PUDP: variants seen among roughly 807,000 people sequenced by gnomAD.
PUDP encodes the protein pseudouridine 5'-phosphatase.
In PUDP, 8 loss-of-function variants were observed where a neutral mutation model predicts 9.4. That is an observed-to-expected ratio of 0.85 (90% CI 0.50 to 1.53). The LOEUF is 1.53. PUDP is among the 40% of genes most tolerant of loss of function. The probability of loss-of-function intolerance (pLI) is 0.00; values close to 1 mark genes in which losing one functional copy is unlikely to be tolerated. For missense variants in PUDP, 188 were observed against 189.7 expected (o/e 0.99, Z 0.05); for synonymous variants, 99 against 80.7 (o/e 1.23, Z -1.22).
intron 1 of PUDP, among the ~76,000 whole-genome samples, chrX:7,115,816 C>T (rs1214405615): frequency 2.7e-5 from 3 of 112,683 alleles, no homozygotes; most frequent in African/African-American, 9.7e-5. Context: ...CGTCCACGCA[C>T]GTGGCTGCAA....
chrX:7,107,659 T>C (rs1393062670), intron 1 of PUDP, among the ~76,000 whole-genome samples: 1 of 112,049 alleles, frequency 8.9e-6, no homozygotes, highest in Non-Finnish European at 1.9e-5. Context: ...AAACCCCGTC[T>C]GTATTAAAAA....
At chrX:7,004,647 G>A (rs892906158) in intron 1 of PUDP, among the ~76,000 whole-genome samples, 9 of 112,025 alleles carry the variant, frequency 8.0e-5, no homozygotes, top group Non-Finnish European at 1.7e-4. Context: ...TCTCCATTAA[G>A]CAGAAACCTA....
chrX:6,996,189 C>A lies in PUDP; in HGVS notation c.205-17846G>T, dbSNP rs147720562. 5.0e-3 allele frequency among the ~76,000 whole-genome samples: 566 copies of A among 112,209 alleles called. 5 individuals are homozygous for A. Among genetic ancestry groups the A allele is most frequent in the African/African-American group, 0.017 (529 of 30,909 alleles). On this transcript the variant is annotated intron_variant and NMD_transcript_variant, in intron 1 of 3. Transcript: ENST00000655425. Reference sequence around the variant, plus strand: ...TCCTCTGCCCTGGGGCACTTCACAGCTCCCCTTTTGCACACATTTGTGTTT... The same window carrying A: ...TCCTCTGCCCTGGGGCACTTCACAGATCCCCTTTTGCACACATTTGTGTTT...
chrX:6,919,586 G>A (rs909393693), intron 3 of PUDP, among the ~76,000 whole-genome samples: 16 of 110,221 alleles, frequency 1.5e-4, no homozygotes, highest in Non-Finnish European at 3.0e-4. Flanking sequence ...CCATAAAAAA[G>A]CACAAAGACC....
chrX:7,058,093 C>T (rs750607916), intron 3 of PUDP, among the ~76,000 whole-genome samples: 31 of 111,400 alleles, frequency 2.8e-4, no homozygotes, highest in Non-Finnish European at 5.1e-4. Flanking sequence ...GGGAAGGAGC[C>T]AGCCCCTTTC....
At chrX:6,896,023 T>C (rs142204900) in intron 3 of PUDP, among the ~76,000 whole-genome samples, 5,477 of 111,226 alleles carry the variant, frequency 0.049, 145 homozygotes, top group East Asian at 0.15. Flanking sequence ...TACCAAAACA[T>C]TGTGGGTGAG....
intron 3 of PUDP, among the ~76,000 whole-genome samples, chrX:6,820,403 A>G (rs1010559985): frequency 1.2e-4 from 13 of 110,995 alleles, no homozygotes; most frequent in Admixed American, 7.7e-4. Flanking sequence ...CAGTTCCCCA[A>G]AAGTCTTAAT....
intron 3 of PUDP, among the ~76,000 whole-genome samples, chrX:6,789,856 A>T (rs1297731660): frequency 6.1e-5 from 2 of 32,690 alleles, no homozygotes; most frequent in Non-Finnish European, 5.2e-5. Flanking sequence ...TTATAGAGAA[A>T]AAAGACGATT....
At chrX:7,079,399 T>C (rs1208106237) in intron 2 of PUDP, among the ~76,000 whole-genome samples, 1 of 112,360 alleles carries the variant, frequency 8.9e-6, no homozygotes, top group African/African-American at 3.2e-5. Context: ...TATCAGTAAT[T>C]GATAAAACAA....
chrX:6,988,915 A>G (rs1050327529), intron 1 of PUDP, among the ~76,000 whole-genome samples: 7 of 111,337 alleles, frequency 6.3e-5, no homozygotes, highest in Non-Finnish European at 1.1e-4. Flanking sequence ...TTCACCACTC[A>G]GTCAGTGCTG....
chrX:7,078,544 C>T (rs4449965), intron 2 of PUDP, among the ~76,000 whole-genome samples: 24,755 of 111,331 alleles, frequency 0.22, 2,283 homozygotes, highest in Admixed American at 0.4. Context: ...TCGCCTGCCT[C>T]AGCCTCTCAA....
intron 3 of PUDP, among the ~76,000 whole-genome samples, chrX:6,888,589 G>A (rs1927465281): frequency 9.0e-6 from 1 of 111,203 alleles, no homozygotes; most frequent in African/African-American, 3.3e-5. Context: ...GGTGGAGGTT[G>A]CAGTGAGCCG....
intron 3 of PUDP, among the ~76,000 whole-genome samples, chrX:6,777,045 C>T (rs1297209808): frequency 1.8e-5 from 2 of 112,289 alleles, no homozygotes; most frequent in African/African-American, 3.2e-5. Context: ...TACTTTCATT[C>T]ATCACAAACA....
At chrX:6,795,498 C>T (rs913015382) in intron 3 of PUDP, among the ~76,000 whole-genome samples, 2 of 111,528 alleles carry the variant, frequency 1.8e-5, no homozygotes, top group African/African-American at 6.5e-5. Context: ...CTGGATGATG[C>T]CTGCCTACAG....
intron 1 of PUDP, among the ~76,000 whole-genome samples, chrX:7,027,972 TAA>T (rs1454834409): frequency 9.7e-6 from 1 of 103,202 alleles, no homozygotes; most frequent in African/African-American, 3.4e-5. Flanking sequence ...ATATTTTATA[TAA>T]AGTTTATATA....
intron 3 of PUDP, among the ~76,000 whole-genome samples, chrX:7,063,789 G>T (rs1023293554): frequency 9.0e-6 from 1 of 111,139 alleles, no homozygotes; most frequent in Non-Finnish European, 1.9e-5. Context: ...GGACTACCGG[G>T]AAGCACCACC....
chrX:7,126,290 G>T (rs1207685832), intron 1 of PUDP, among the ~76,000 whole-genome samples: 1 of 111,088 alleles, frequency 9.0e-6, no homozygotes, highest in Non-Finnish European at 1.9e-5. Flanking sequence ...TGAGAATGGA[G>T]AAACTTCTCT....
chrX:6,717,481 C>A (rs1178415595), intron 1 of PUDP, among the ~76,000 whole-genome samples: 1 of 111,653 alleles, frequency 9.0e-6, no homozygotes, highest in African/African-American at 3.3e-5. Context: ...GGTTTCTTTT[C>A]CTTCTGTCCT....
At chrX:6,967,410 C>T (rs762370869) in intron 3 of PUDP, among the ~76,000 whole-genome samples, 2 of 111,793 alleles carry the variant, frequency 1.8e-5, no homozygotes, top group East Asian at 5.7e-4. Flanking sequence ...CCCTGTGACC[C>T]TCTGGAGCTC....
Sources: allele counts gnomAD v4.1 joint callset (sites outside exome capture counted in the v4.1 genomes callset), GRCh38; gene constraint gnomAD v4.1.1; transcripts MANE v1.5; gene names NCBI Gene and HGNC (gene_info 2026-07-23, HGNC 2026-07-21).